Variants in HMGCS1 observed in about 807,000 individuals in gnomAD.
The protein encoded by HMGCS1 is hydroxymethylglutaryl-CoA synthase, cytoplasmic.
HMGCS1 carries 9 observed loss-of-function variants against 52.3 expected under a neutral mutation model. The observed-to-expected ratio is 0.17, with a 90% CI of 0.10 to 0.30. The LOEUF is 0.30. HMGCS1 is among the 10% of genes least tolerant of loss of function. The pLI is 1.00. For missense variants in HMGCS1, 320 were observed against 620.9 expected (o/e 0.52, Z 5.15); for synonymous variants, 176 against 214.4 (o/e 0.82, Z 1.57).
intron 4 of HMGCS1, 68 bp downstream of exon 4, chr5:43,297,941 T>C: frequency 6.9e-7 from 1 of 1,458,634 alleles, no homozygotes; most frequent in Non-Finnish European, 9.4e-7. Flanking sequence ...CGACAGCTCC[T>C]ACTTCTATTT....
chr5:43,295,288 A>T (rs542531721), intron 6 of HMGCS1, among the ~76,000 whole-genome samples: 2 of 152,338 alleles, frequency 1.3e-5, no homozygotes, highest in South Asian at 4.1e-4. Flanking sequence ...AGATAGAGAA[A>T]GGACACACAA....
At chr5:43,310,509 A>G (rs1474073780) in intron 1 of HMGCS1, among the ~76,000 whole-genome samples, 3 of 152,236 alleles carry the variant, frequency 2.0e-5, no homozygotes, top group African/African-American at 7.2e-5. Flanking sequence ...CTTGAAGTAA[A>G]GGGTACTCAA....
chr5:43,310,163 A>T (rs1193904151), intron 1 of HMGCS1, among the ~76,000 whole-genome samples: 3 of 152,260 alleles, frequency 2.0e-5, no homozygotes, highest in African/African-American at 7.2e-5. Context: ...GACTTGCTCA[A>T]ACCTGTACAC....
intron 2 of HMGCS1, among the ~76,000 whole-genome samples, chr5:43,299,645 G>A (rs868112985): frequency 6.0e-4 from 87 of 145,718 alleles, no homozygotes; most frequent in African/African-American, 2.0e-3. Context: ...GCAAGACTCC[G>A]TCTCAAAAAA....
At chr5:43,311,020 G>A (rs958838374) in intron 1 of HMGCS1, among the ~76,000 whole-genome samples, 1 of 152,152 alleles carries the variant, frequency 6.6e-6, no homozygotes, top group African/African-American at 2.4e-5. Context: ...GCATTAGGAT[G>A]AAGAGATTAA....
At chr5:43,292,425 T>C (rs752491935) in intron 10 of HMGCS1, 49 bp downstream of exon 10, 1 of 1,505,578 alleles carries the variant, frequency 6.6e-7, no homozygotes, top group East Asian at 2.3e-5. Flanking sequence ...TAAATCCCAG[T>C]TAGGTCTCCT....
chr5:43,292,276 C>A (rs1753812674), intron 10 of HMGCS1, among the ~76,000 whole-genome samples, 198 bp downstream of exon 10: 1 of 152,106 alleles, frequency 6.6e-6, no homozygotes. Flanking sequence ...CAGGCGTGAG[C>A]CACCGCACCC....
At chr5:43,310,875 A>G (rs1754827030) in intron 1 of HMGCS1, among the ~76,000 whole-genome samples, 1 of 152,236 alleles carries the variant, frequency 6.6e-6, no homozygotes, top group Non-Finnish European at 1.5e-5. Context: ...TCTTACAATC[A>G]TTCCCATATG....
intron 6 of HMGCS1, 140 bp from the exon 7 acceptor site, chr5:43,295,001 A>T (rs1753960465): frequency 3.8e-6 from 2 of 520,724 alleles, no homozygotes; most frequent in East Asian, 6.0e-5. Flanking sequence ...GCAGCAATCT[A>T]ATTGCTATAG....
At position 43,288,087 on chromosome 5, in the gene HMGCS1, TGAATAAG is replaced by T. The variant is rs1482227030; in HGVS notation, c.*3037_*3043del. On this transcript the variant is annotated 3_prime_UTR_variant, in exon 11 of 11. Transcript: ENST00000325110. ...CAGATCCCACAGGAGTCTGCAAGGC[TGAATAAG>T]GAATATACATAGAATGAATAGTGCT... 1 of 152,222 alleles carries T rather than the reference TGAATAAG, an allele frequency of 6.6e-6. No homozygotes were observed. The allele number at this position is 152,222 out of a possible 1,614,324, so 9.4% of individuals were successfully genotyped here.
chr5:43,302,352 T>C (rs1260572745), intron 2 of HMGCS1, among the ~76,000 whole-genome samples: 1 of 152,202 alleles, frequency 6.6e-6, no homozygotes, highest in Admixed American at 6.5e-5. Flanking sequence ...TCCAAAAACA[T>C]TTAGTGCTTT....
intron 1 of HMGCS1, 124 bp from the exon 2 acceptor site, chr5:43,307,948 T>C (rs982023014): frequency 4.6e-5 from 7 of 152,236 alleles, no homozygotes; most frequent in Non-Finnish European, 8.8e-5. Context: ...TTATGCAGAA[T>C]AGAATTTGAC....
intron 8 of HMGCS1, 113 bp from the exon 9 acceptor site, chr5:43,293,086 A>G: frequency 1.3e-6 from 1 of 761,970 alleles, no homozygotes. Context: ...TTTCATTAAA[A>G]CTACTGGCTA....
intron 2 of HMGCS1, among the ~76,000 whole-genome samples, chr5:43,300,120 TAATATTTCTTGAGTACTTCC>T (rs936097546): frequency 7.2e-5 from 11 of 152,206 alleles, no homozygotes; most frequent in South Asian, 4.1e-4. Context: ...TCCCACCTTC[TAATATTTCTTGAGTACTTCC>T]AATATTTCTT....
rs765551274 is a variant in HMGCS1 at position 43,288,165 on chromosome 5, A to AAAAG, written c.*2962_*2965dup. The AAAAG allele has an allele frequency of 9.9e-5, 15 of 152,214 alleles. No individual in the cohort carries two copies. Among genetic ancestry groups the AAAAG allele is most frequent in the Non-Finnish European group, 1.6e-4 (11 of 68,050 alleles). 9.4% of individuals were successfully genotyped at this position (152,214 alleles called of 1,614,324 possible). On this transcript the variant is annotated 3_prime_UTR_variant, in exon 11 of 11. Transcript: ENST00000325110. ...CAGGAAAGACATTCTTTTTAATATT[A>AAAAG]AAAGATAAAGCCCCAATATATAACC...
In HMGCS1 at chr5:43,302,195, T is replaced by A. The variant is rs184687328; in HGVS notation, c.-10-3220A>T. Among the ~76,000 whole-genome samples, 7 of 152,354 alleles carry A rather than the reference T, an allele frequency of 4.6e-5. No individual in the cohort carries two copies. In the East Asian group the frequency reaches 7.7e-4, roughly 17 times the overall value. The stretch of plus-strand genomic sequence containing the variant: ...AGATTCTTAACTTTCATGTATGCAG[T>A]TTATACTAGAAAACACACAAAGAGA... On this transcript the variant is annotated intron_variant, in intron 2 of 10. Coordinates refer to ENST00000325110, the MANE Select transcript of HMGCS1 (RefSeq NM_001098272.3).
At chr5:43,301,266 T>A (rs1022271451) in intron 2 of HMGCS1, among the ~76,000 whole-genome samples, 1 of 152,076 alleles carries the variant, frequency 6.6e-6, no homozygotes, top group African/African-American at 2.4e-5. Context: ...GTGAGCTGAG[T>A]GGATCAGGTA....
At position 43,291,091 on chromosome 5, in the gene HMGCS1, T is replaced by TCCCCCCCCCCCCAG; in HGVS notation, c.*39_*40insCTGGGGGGGGGGGG. ...CAACTGTTCCCATACCCCCACCCCATGCCCACCCCACCCTGAAGTCTTGCA... is the reference window on the plus strand; with the variant it reads ...CAACTGTTCCCATACCCCCACCCCATCCCCCCCCCCCCAGGCCCACCCCACCCTGAAGTCTTGCA... On this transcript the variant is annotated 3_prime_UTR_variant, in exon 11 of 11. Transcript: ENST00000325110. 1 of 541,864 alleles carries TCCCCCCCCCCCCAG rather than the reference T, an allele frequency of 1.8e-6. No homozygotes were observed. The highest frequency in any genetic ancestry group is 3.7e-6 in the Non-Finnish European group (1 of 269,890). The allele number at this position is 541,864 out of a possible 1,614,324, so 33.6% of individuals were successfully genotyped here.
At chr5:43,291,467 A>C (rs1484359899) in intron 10 of HMGCS1, among the ~76,000 whole-genome samples, 1 of 152,158 alleles carries the variant, frequency 6.6e-6, no homozygotes, top group East Asian at 1.9e-4. Flanking sequence ...CCACCACGTA[A>C]CAGTATTTTA....
Sources: allele counts gnomAD v4.1 joint callset (sites outside exome capture counted in the v4.1 genomes callset), GRCh38; gene constraint gnomAD v4.1.1; transcripts MANE v1.5; gene names NCBI Gene and HGNC (gene_info 2026-07-23, HGNC 2026-07-21).